NSMCE2: variants seen among roughly 807,000 people sequenced by gnomAD.
The protein encoded by NSMCE2 is E3 SUMO-protein ligase NSE2.
A neutral mutation model predicts 23.8 loss-of-function variants in NSMCE2; 24 were observed. That is an observed-to-expected ratio of 1.01 (90% CI 0.73 to 1.42). NSMCE2 has a LOEUF of 1.42. NSMCE2 is among the 40% of genes most tolerant of loss of function. The pLI, the probability that NSMCE2 is intolerant of heterozygous loss-of-function variation, is 0.00. For synonymous variants in NSMCE2, 92 were observed against 94.1 expected, an observed-to-expected ratio of 0.98 and a Z score of 0.13; for missense variants, 284 against 296.5, an observed-to-expected ratio of 0.96 and a Z score of 0.31.
chr8:125,327,333 A>C (rs2131288131), intron 5 of NSMCE2, among the ~76,000 whole-genome samples: 1 of 152,166 alleles, frequency 6.6e-6, no homozygotes, highest in South Asian at 2.1e-4. Flanking sequence ...ATAATTACTG[A>C]ATGAATGTAG....
intron 1 of NSMCE2, among the ~76,000 whole-genome samples, chr8:125,097,199 G>T (rs1396409018): frequency 6.6e-6 from 1 of 152,056 alleles, no homozygotes; most frequent in Non-Finnish European, 1.5e-5. Context: ...TCCCAGAAAA[G>T]AACACAACAA....
At chr8:125,210,145 CTCTG>C (rs1824267643) in intron 5 of NSMCE2, among the ~76,000 whole-genome samples, 1 of 152,106 alleles carries the variant, frequency 6.6e-6, no homozygotes, top group Non-Finnish European at 1.5e-5. Context: ...ACCTCAGTTC[CTCTG>C]TCTGTTAAAA....
intron 5 of NSMCE2, among the ~76,000 whole-genome samples, chr8:125,257,014 G>A (rs1267222130): frequency 6.7e-6 from 1 of 148,384 alleles, no homozygotes; most frequent in African/African-American, 2.5e-5. Context: ...TTAGTTAAAG[G>A]AGTCCGGGCC....
At chr8:125,167,594 T>C (rs1421348589) in intron 4 of NSMCE2, among the ~76,000 whole-genome samples, 3 of 151,564 alleles carry the variant, frequency 2.0e-5, no homozygotes, top group Non-Finnish European at 2.9e-5. Context: ...GAGATCGTGC[T>C]ACTGCACTCC....
At chr8:125,110,379 A>G (rs562794079) in intron 3 of NSMCE2, among the ~76,000 whole-genome samples, 1 of 152,338 alleles carries the variant, frequency 6.6e-6, no homozygotes, top group South Asian at 2.1e-4. Flanking sequence ...GAAAGATTAC[A>G]GTTACTATGG....
intron 5 of NSMCE2, among the ~76,000 whole-genome samples, chr8:125,281,296 G>A (rs1442506090): frequency 6.6e-6 from 1 of 152,196 alleles, no homozygotes; most frequent in Admixed American, 6.5e-5. Context: ...AGACATTCTA[G>A]TTTTGGAGAC....
At chr8:125,251,817 C>G (rs773619868) in intron 5 of NSMCE2, among the ~76,000 whole-genome samples, 1 of 152,196 alleles carries the variant, frequency 6.6e-6, no homozygotes, top group Non-Finnish European at 1.5e-5. Flanking sequence ...CTTACAGGAG[C>G]TAAATGTCAG....
At chr8:125,160,605 C>T (rs912043374) in intron 4 of NSMCE2, among the ~76,000 whole-genome samples, 1 of 152,180 alleles carries the variant, frequency 6.6e-6, no homozygotes, top group African/African-American at 2.4e-5. Context: ...CCCTGATAGT[C>T]ACCCTCCCTA....
chr8:125,272,434 C>T (rs1211921272), intron 5 of NSMCE2, among the ~76,000 whole-genome samples: 1 of 150,850 alleles, frequency 6.6e-6, no homozygotes. Flanking sequence ...TAGAAAAGGA[C>T]ATACAAGATA....
At position 125,114,191 on chromosome 8, in the gene NSMCE2, C is replaced by T. The variant is rs2384888; in HGVS notation, c.157+11704C>T. 3.0e-3 allele frequency among the ~76,000 whole-genome samples: 458 copies of T among 152,170 alleles called. 2 individuals carry two copies. Among genetic ancestry groups the T allele is most frequent in the African/African-American group, 0.01 (431 of 41,518 alleles). ...CCCTTTCTCTGCTTTATTTTTCTCT[C>T]GACTGTTTAATACTTACCACTACCT... On this transcript the variant is annotated intron_variant, in intron 3 of 7. Coordinates refer to ENST00000287437, the MANE Select transcript of NSMCE2 (RefSeq NM_173685.4).
In NSMCE2 at chr8:125,142,621, T is replaced by G. The variant is rs1026566754; in HGVS notation, c.158-8550T>G. Among the ~76,000 whole-genome samples the G allele has an allele frequency of 2.0e-5, 3 of 152,100 alleles. No homozygotes were observed. In the East Asian group the frequency reaches 5.8e-4, roughly 29 times the overall value. On this transcript the variant is annotated intron_variant, in intron 3 of 7. Coordinates refer to ENST00000287437, the MANE Select transcript of NSMCE2 (RefSeq NM_173685.4). ...AAATGTGTATTCAGTTTTTTTTTTT[T>G]GAGATGGAGTTTTGCCCTTGTTGCC...
In NSMCE2 at chr8:125,312,251, A is replaced by G. The variant is rs79495035; in HGVS notation, c.419-44968A>G. 6.4e-3 allele frequency among the ~76,000 whole-genome samples: 968 copies of G among 152,322 alleles called. 5 individuals are homozygous for G. The highest frequency in any genetic ancestry group is 0.022 in the African/African-American group (902 of 41,570). On this transcript the variant is annotated intron_variant, in intron 5 of 7. Coordinates refer to ENST00000287437, the MANE Select transcript of NSMCE2 (RefSeq NM_173685.4). ...ATAAGAGCTAAACTGAAATAGAAAC[A>G]TTAACATTTCAGATGCTTAGAAAAT...
chr8:125,300,984 T>C (rs531312354), intron 5 of NSMCE2, among the ~76,000 whole-genome samples: 4 of 152,344 alleles, frequency 2.6e-5, no homozygotes, highest in African/African-American at 9.6e-5. Flanking sequence ...TCTGACTCAC[T>C]GACGTTCCAT....
chr8:125,096,890 G>A (rs1352839270), intron 1 of NSMCE2, among the ~76,000 whole-genome samples: 2 of 151,978 alleles, frequency 1.3e-5, no homozygotes, highest in Non-Finnish European at 2.9e-5. Context: ...GATTACAGGC[G>A]GGAGCCACCA....
chr8:125,308,124 C>A (rs552582930), intron 5 of NSMCE2, among the ~76,000 whole-genome samples: 1 of 152,092 alleles, frequency 6.6e-6, no homozygotes, highest in Non-Finnish European at 1.5e-5. Flanking sequence ...TTCCTAGTCT[C>A]GGAGGCATGG....
At chr8:125,286,602 T>C (rs1365855112) in intron 5 of NSMCE2, among the ~76,000 whole-genome samples, 3 of 152,208 alleles carry the variant, frequency 2.0e-5, no homozygotes, top group Admixed American at 1.3e-4. Flanking sequence ...CATGAGCCAC[T>C]GCGCCCGGCC....
chr8:125,213,725 TTTCC>T (rs889475299), intron 5 of NSMCE2, among the ~76,000 whole-genome samples: 6 of 146,694 alleles, frequency 4.1e-5, no homozygotes, highest in African/African-American at 1.0e-4. Flanking sequence ...TCCTTCCTTA[TTTCC>T]TTCCTTCCTT....
chr8:125,352,071 T>C (rs1226873486), intron 5 of NSMCE2, among the ~76,000 whole-genome samples: 5 of 152,202 alleles, frequency 3.3e-5, no homozygotes, highest in Non-Finnish European at 2.9e-5. Context: ...GGAATAACAA[T>C]ATAGTTATTC....
chr8:125,344,701 C>G (rs971163083), intron 5 of NSMCE2, among the ~76,000 whole-genome samples: 1 of 151,142 alleles, frequency 6.6e-6, no homozygotes, highest in Non-Finnish European at 1.5e-5. Flanking sequence ...CAAGATTGCA[C>G]CACTGCACTC....
Sources: allele counts gnomAD v4.1 joint callset (sites outside exome capture counted in the v4.1 genomes callset), GRCh38; gene constraint gnomAD v4.1.1; transcripts MANE v1.5; gene names NCBI Gene and HGNC (gene_info 2026-07-23, HGNC 2026-07-21).